PPP1R36: variants seen among roughly 807,000 people sequenced by gnomAD.
PPP1R36 encodes the protein protein phosphatase 1 regulatory subunit 36.
In PPP1R36, 47 loss-of-function variants were observed where a neutral mutation model predicts 53.4. That is an observed-to-expected ratio of 0.88 (90% CI 0.70 to 1.12). The LOEUF is 1.12. PPP1R36 is among the 50% of genes most tolerant of loss of function. PPP1R36 has a pLI of 0.00. For synonymous variants in PPP1R36, 153 were observed against 170.5 expected (o/e 0.90, Z 0.80); for missense variants, 456 against 513.9 (o/e 0.89, Z 1.09).
At chr14:64,558,758 C>CT (rs2080179892) in intron 3 of PPP1R36, among the ~76,000 whole-genome samples, 1 of 151,880 alleles carries the variant, frequency 6.6e-6, no homozygotes, top group African/African-American at 2.4e-5. Flanking sequence ...GCCTCAGCCT[C>CT]TTGAGTAGCT....
chr14:64,551,051 C>A, intron 2 of PPP1R36, 66 bp downstream of exon 2: 2 of 1,076,486 alleles, frequency 1.9e-6, no homozygotes, highest in African/African-American at 1.6e-5. Flanking sequence ...GAAAAAAAAG[C>A]AACAGAAGAG....
chr14:64,557,103 A>AT (rs2080161665), intron 3 of PPP1R36, among the ~76,000 whole-genome samples: 1 of 152,084 alleles, frequency 6.6e-6, no homozygotes, highest in Non-Finnish European at 1.5e-5. Context: ...AAGTACTAGG[A>AT]TTACAGGTGT....
chr14:64,550,097 G>T, intron 1 of PPP1R36, 31 bp downstream of exon 1: 1 of 1,547,318 alleles, frequency 6.5e-7, no homozygotes, highest in African/African-American at 1.4e-5. Context: ...CCCCATACCC[G>T]GGCTGGGCGC....
At position 64,552,950 on chromosome 14, in the gene PPP1R36, ATG is replaced by A. The variant is rs1354159633; in HGVS notation, c.182+95_182+96del. 3.3e-6 allele frequency: 4 copies of A among 1,222,426 alleles called. No homozygotes were observed. The African/African-American group carries it at 6.0e-5, about 18-fold the overall frequency. The allele number at this position is 1,222,426 out of a possible 1,614,324, so 75.7% of individuals were successfully genotyped here. On this transcript the variant is annotated intron_variant, in intron 3 of 11. Coordinates refer to ENST00000298705, the MANE Select transcript of PPP1R36 (RefSeq NM_172365.3). The stretch of plus-strand genomic sequence containing the variant: ...AAAATACATGTTAAAGCACAAGAGA[ATG>A]TGTGTATAAATATTAAGTGCCAATT...
Position 64,581,186 on chromosome 14 carries a change from G to T in PPP1R36, c.669-5651G>T, listed in dbSNP as rs183008291. 5.2e-3 allele frequency among the ~76,000 whole-genome samples: 789 copies of T among 152,306 alleles called. 4 individuals are homozygous for T. The highest frequency in any genetic ancestry group is 0.017 in the African/African-American group (725 of 41,574). Reference sequence around the variant, plus strand: ...GACTAAAAAGGCAGGATATTTTGAAGCGGGGCCTTACAGGTCATAAGCAGA... The same window carrying T: ...GACTAAAAAGGCAGGATATTTTGAATCGGGGCCTTACAGGTCATAAGCAGA... On this transcript the variant is annotated intron_variant, in intron 8 of 11. Coordinates refer to ENST00000298705, the MANE Select transcript of PPP1R36 (RefSeq NM_172365.3).
chr14:64,549,969 C>A lies in PPP1R36; in HGVS notation c.-29C>A. 3.2e-6 allele frequency: 5 copies of A among 1,547,576 alleles called. No individual in the cohort carries two copies. Among genetic ancestry groups the A allele is most frequent in the Non-Finnish European group, 3.5e-6 (4 of 1,143,808 alleles). ...AGGCGCCTGCGGGCGGTATCCTCGG[C>A]GACGCCGTATGGCTTCCAGGGCGAG... On this transcript the variant is annotated 5_prime_UTR_variant, in exon 1 of 12. Transcript: ENST00000298705.
At chr14:64,562,425 C>A (rs1473012192) in intron 3 of PPP1R36, among the ~76,000 whole-genome samples, 1 of 151,992 alleles carries the variant, frequency 6.6e-6, no homozygotes, top group African/African-American at 2.4e-5. Flanking sequence ...CACGCCACTC[C>A]AGCCTAGGTG....
At position 64,587,996 on chromosome 14, in the gene PPP1R36, G is replaced by C. The variant is rs1037921994; in HGVS notation, c.891-108G>C. The C allele has an allele frequency of 4.8e-6, 5 of 1,050,788 alleles. No homozygotes were observed. The African/African-American group carries it at 4.8e-5, about 10-fold the overall frequency. 65.1% of individuals were successfully genotyped at this position (1,050,788 alleles called of 1,614,324 possible). On this transcript the variant is annotated intron_variant, in intron 10 of 11. Transcript: ENST00000298705. ...TGGGCTCAAGTGATCCTCCCGCCTT[G>C]ATCTCCCAAAGGGTTGGGATTACAG...
intron 8 of PPP1R36, among the ~76,000 whole-genome samples, chr14:64,575,959 A>T (rs1395170078): frequency 6.6e-6 from 1 of 151,304 alleles, no homozygotes; most frequent in East Asian, 2.0e-4. Flanking sequence ...CTAGTTTAAG[A>T]CATTTTGTAT....
chr14:64,581,746 T>C (rs1423736284), intron 8 of PPP1R36, among the ~76,000 whole-genome samples: 2 of 152,188 alleles, frequency 1.3e-5, no homozygotes, highest in Admixed American at 1.3e-4. Context: ...TTAAAGATTT[T>C]AGTAGAACCA....
intron 3 of PPP1R36, among the ~76,000 whole-genome samples, chr14:64,564,043 G>A (rs1245880437): frequency 1.3e-5 from 2 of 152,208 alleles, no homozygotes; most frequent in Admixed American, 6.5e-5. Flanking sequence ...CGTCGGTATA[G>A]ATTTGTTTGT....
At chr14:64,579,669 G>T (rs2080370718) in intron 8 of PPP1R36, among the ~76,000 whole-genome samples, 1 of 152,104 alleles carries the variant, frequency 6.6e-6, no homozygotes, top group Non-Finnish European at 1.5e-5. Context: ...TAGGATTTAA[G>T]GTTAAAAAAC....
chr14:64,576,799 C>T (rs1273966759), intron 8 of PPP1R36, among the ~76,000 whole-genome samples: 1 of 152,150 alleles, frequency 6.6e-6, no homozygotes, highest in Non-Finnish European at 1.5e-5. Context: ...CTACTACATC[C>T]GTTCTGCAGC....
At chr14:64,578,013 C>T (rs193144957) in intron 8 of PPP1R36, among the ~76,000 whole-genome samples, 1 of 150,512 alleles carries the variant, frequency 6.6e-6, no homozygotes, top group Non-Finnish European at 1.5e-5. Context: ...GCGTGAACCA[C>T]TGCACCTGGC....
In PPP1R36 at chr14:64,587,448, C is replaced by CTTTTTTTTTTTTTTTT. The variant is rs10708900; in HGVS notation, c.890+91_890+106dup. The stretch of plus-strand genomic sequence containing the variant: ...CCTTTCTTTTCTTTTCTTTTTTCTC[C>CTTTTTTTTTTTTTTTT]TTTTTTTTTTTTTTTTTTTTTTTTT... On this transcript the variant is annotated intron_variant, in intron 10 of 11. Transcript: ENST00000298705. 16 of 111,016 alleles carry CTTTTTTTTTTTTTTTT rather than the reference C, an allele frequency of 1.4e-4. 1 individual carries two copies. The highest frequency in any genetic ancestry group is 7.3e-4 in the Admixed American group (3 of 4,120). 6.9% of individuals were successfully genotyped at this position (111,016 alleles called of 1,614,324 possible). A position where few individuals can be genotyped will look rare whatever the true frequency, so the allele number is the denominator to read the frequency against.
intron 7 of PPP1R36, among the ~76,000 whole-genome samples, chr14:64,573,599 A>G (rs2080319335): frequency 6.6e-6 from 1 of 152,176 alleles, no homozygotes; most frequent in Admixed American, 6.5e-5. Flanking sequence ...AATTGAGGAT[A>G]CATAACATAA....
chr14:64,587,442 T>C (rs1389652320), intron 10 of PPP1R36, 70 bp downstream of exon 10: 6 of 718,068 alleles, frequency 8.4e-6, no homozygotes, highest in Middle Eastern at 4.3e-4. Context: ...TCTTTTCTTT[T>C]TTCTCCTTTT....
At chr14:64,579,886 C>T (rs528359000) in intron 8 of PPP1R36, among the ~76,000 whole-genome samples, 5 of 152,300 alleles carry the variant, frequency 3.3e-5, no homozygotes, top group African/African-American at 9.6e-5. Context: ...AGGAGAATAG[C>T]GTGAACCTGG....
chr14:64,565,322 A>T, intron 4 of PPP1R36, 35 bp from the exon 5 acceptor site: 15 of 1,443,640 alleles, frequency 1.0e-5, no homozygotes, highest in Non-Finnish European at 1.4e-5. Context: ...AAAATATATT[A>T]AAACACTACT....
Sources: gnomAD v4.1 joint callset for allele counts (sites outside exome capture counted in the v4.1 genomes callset) on GRCh38, gnomAD v4.1.1 for gene constraint, MANE v1.5 for transcripts, NCBI Gene and HGNC (gene_info 2026-07-23, HGNC 2026-07-21) for gene names.